Variants in MYO9B observed in about 807,000 individuals in gnomAD.
MYO9B encodes the protein unconventional myosin-IXb.
A neutral mutation model predicts 229.5 loss-of-function variants in MYO9B; 71 were observed. The ratio of observed to expected loss-of-function variants is 0.31; its 90% CI spans 0.26 to 0.38. The LOEUF (loss-of-function observed/expected upper bound fraction) is 0.38, where lower values mean the gene tolerates loss of function less well. Among genes scored for constraint, MYO9B ranks in the 10% least tolerant of loss-of-function variants. The pLI is 1.00. For missense variants in MYO9B, 2,255 were observed against 2,920.5 expected (o/e 0.77, Z 5.25); for synonymous variants, 1,185 against 1,235.8 (o/e 0.96, Z 0.86).
chr19:17,210,291 G>T, intron 36 of MYO9B, 42 bp from the exon 37 acceptor site: 1 of 1,551,446 alleles, frequency 6.4e-7, no homozygotes, highest in Non-Finnish European at 8.7e-7. Flanking sequence ...GCCTGTGTCT[G>T]TCTTGGCCCG....
intron 14 of MYO9B, among the ~76,000 whole-genome samples, chr19:17,179,656 A>G (rs1599397932): frequency 6.6e-6 from 1 of 151,272 alleles, no homozygotes; most frequent in African/African-American, 2.4e-5. Context: ...TGAACTCCCT[A>G]CCTCAGGTGA....
chr19:17,165,407 T>C (rs900463740), intron 10 of MYO9B, among the ~76,000 whole-genome samples: 3 of 151,438 alleles, frequency 2.0e-5, no homozygotes, highest in East Asian at 1.9e-4. Flanking sequence ...ACTTTTTACA[T>C]GTGATTATTA....
intron 35 of MYO9B, among the ~76,000 whole-genome samples, chr19:17,209,077 G>A (rs144496117): frequency 6.6e-6 from 1 of 151,064 alleles, no homozygotes; most frequent in African/African-American, 2.5e-5. Flanking sequence ...CTCCAAGCTG[G>A]GTCCCTCTGA....
chr19:17,176,838 T>G (rs922128165), intron 14 of MYO9B, among the ~76,000 whole-genome samples: 1 of 152,174 alleles, frequency 6.6e-6, no homozygotes, highest in Non-Finnish European at 1.5e-5. Context: ...ACACGGGGTC[T>G]TTTGTGGACC....
At position 17,153,882 on chromosome 19, in the gene MYO9B, C is replaced by G. The variant is rs901422892; in HGVS notation, c.999-85C>G. The stretch of plus-strand genomic sequence containing the variant: ...TTTGTACATATTTGAGGTGTGCTCT[C>G]CAAAGCCATGTTAGTAGTGGTTCGC... On this transcript the variant is annotated intron_variant, in intron 4 of 39. Transcript: ENST00000682292. The G allele has an allele frequency of 4.1e-6, 4 of 987,354 alleles. No individual in the cohort carries two copies. The African/African-American group carries it at 6.4e-5, about 16-fold the overall frequency. The allele number at this position is 987,354 out of a possible 1,614,324, so 61.2% of individuals were successfully genotyped here. A position where few individuals can be genotyped will look rare whatever the true frequency, so the allele number is the denominator to read the frequency against.
intron 14 of MYO9B, among the ~76,000 whole-genome samples, chr19:17,176,126 T>C (rs913167066): frequency 2.0e-5 from 3 of 152,146 alleles, no homozygotes; most frequent in African/African-American, 7.2e-5. Flanking sequence ...GCCTCGCAGG[T>C]TCATGCCATT....
In MYO9B at chr19:17,203,273, C is replaced by A. The variant is rs779304419; in HGVS notation, c.4990+15C>A. Reference sequence around the variant, plus strand: ...GCTCTGCAGCGGTGAGTGGCTCCCCCACCAGGCCCCAAAACCCTCCATGTC... The same window carrying A: ...GCTCTGCAGCGGTGAGTGGCTCCCCAACCAGGCCCCAAAACCCTCCATGTC... On this transcript the variant is annotated intron_variant, in intron 30 of 39. Coordinates refer to ENST00000682292, the MANE Select transcript of MYO9B (RefSeq NM_004145.4). The A allele has an allele frequency of 1.6e-5, 25 of 1,533,662 alleles. No homozygotes were observed. Among genetic ancestry groups the A allele is most frequent in the African/African-American group, 4.1e-5 (3 of 72,702 alleles).
At chr19:17,168,642 G>A (rs1434626131) in intron 11 of MYO9B, among the ~76,000 whole-genome samples, 1 of 152,226 alleles carries the variant, frequency 6.6e-6, no homozygotes, top group African/African-American at 2.4e-5. Flanking sequence ...CTAGAAACTA[G>A]ACACTGGGGC....
intron 35 of MYO9B, among the ~76,000 whole-genome samples, chr19:17,209,147 G>A (rs900595150): frequency 7.2e-5 from 11 of 152,168 alleles, no homozygotes; most frequent in African/African-American, 2.7e-4. Flanking sequence ...GAGTCCCTCT[G>A]ACACTGACCA....
intron 2 of MYO9B, among the ~76,000 whole-genome samples, chr19:17,144,731 G>A (rs2072385474): frequency 6.6e-6 from 1 of 152,088 alleles, no homozygotes; most frequent in Non-Finnish European, 1.5e-5. Flanking sequence ...CACTTTGGGA[G>A]GCCAAGGTGG....
intron 10 of MYO9B, among the ~76,000 whole-genome samples, chr19:17,166,033 A>AT (rs1331744525): frequency 6.6e-6 from 1 of 151,630 alleles, no homozygotes; most frequent in African/African-American, 2.4e-5. Flanking sequence ...CCTCTAAATG[A>AT]TTTTAAGTGT....
chr19:17,159,232 C>T (rs1046391773), intron 7 of MYO9B, among the ~76,000 whole-genome samples, 163 bp from the exon 8 acceptor site: 4 of 20,492 alleles, frequency 2.0e-4, no homozygotes, highest in East Asian at 9.7e-4. Context: ...ACCAGCACAT[C>T]GCGGGTGGGT....
At position 17,105,239 on chromosome 19, in the gene MYO9B, T is replaced by G. The variant is rs1298901730; in HGVS notation, c.840+2682T>G. 6.5e-5 allele frequency among the ~76,000 whole-genome samples: 9 copies of G among 139,462 alleles called. No homozygotes were observed. The Admixed American group carries it at 7.3e-4, about 11-fold the overall frequency. 91.5% of individuals were successfully genotyped at this position (139,462 alleles called of 152,430 possible). ...GGTGGCTTACATAATCCCAGTGCAC[T>G]GGGAGGCCGAGGCAGGAGGATCACT... On this transcript the variant is annotated intron_variant, in intron 2 of 39. Coordinates refer to ENST00000682292, the MANE Select transcript of MYO9B (RefSeq NM_004145.4).
chr19:17,107,317 G>C (rs971986688), intron 2 of MYO9B, among the ~76,000 whole-genome samples: 1 of 152,142 alleles, frequency 6.6e-6, no homozygotes, highest in African/African-American at 2.4e-5. Context: ...TTGCCAAATG[G>C]GACTAGGCAG....
chr19:17,093,698 G>A (rs796706711), intron 1 of MYO9B, among the ~76,000 whole-genome samples: 6 of 133,386 alleles, frequency 4.5e-5, no homozygotes, highest in Non-Finnish European at 8.1e-5. Flanking sequence ...GGGGGTGGGG[G>A]GGGGGGTGGT....
chr19:17,150,739 G>A lies in MYO9B; in HGVS notation c.936-1905G>A, dbSNP rs531829048. On this transcript the variant is annotated intron_variant, in intron 3 of 39. Transcript: ENST00000682292. ...CCTTGTCCACTCCTCAGGAGCCACCGTGCCTGCCCCAGTATGGAAGAGGAG... is the reference window on the plus strand; with the variant it reads ...CCTTGTCCACTCCTCAGGAGCCACCATGCCTGCCCCAGTATGGAAGAGGAG... 4.9e-5 allele frequency among the ~76,000 whole-genome samples: 7 copies of A among 141,720 alleles called. 2 individuals are homozygous for A. In the South Asian group the frequency reaches 9.0e-4, roughly 18 times the overall value. The allele number at this position is 141,720 out of a possible 152,430, so 93.0% of individuals were successfully genotyped here. A position where few individuals can be genotyped will look rare whatever the true frequency, so the allele number is the denominator to read the frequency against.
intron 2 of MYO9B, among the ~76,000 whole-genome samples, chr19:17,131,301 C>T (rs1027784162): frequency 6.6e-6 from 1 of 152,250 alleles, no homozygotes; most frequent in Non-Finnish European, 1.5e-5. Flanking sequence ...CGGAGTCTCG[C>T]TCTGTCACCC....
chr19:17,179,906 AAATAAAAT>A (rs905106068), intron 14 of MYO9B, among the ~76,000 whole-genome samples: 2 of 150,088 alleles, frequency 1.3e-5, no homozygotes, highest in African/African-American at 5.0e-5. Context: ...TTCCAAAAAA[AAATAAAAT>A]AAAAATAAAA....
chr19:17,089,212 T>C (rs1054947917), intron 1 of MYO9B, among the ~76,000 whole-genome samples: 1 of 152,028 alleles, frequency 6.6e-6, no homozygotes, highest in Non-Finnish European at 1.5e-5. Context: ...GCTGACTTTG[T>C]GGTCATTCCT....
Sources: gnomAD v4.1 joint callset for allele counts (sites outside exome capture counted in the v4.1 genomes callset) on GRCh38, gnomAD v4.1.1 for gene constraint, MANE v1.5 for transcripts, NCBI Gene and HGNC (gene_info 2026-07-23, HGNC 2026-07-21) for gene names.